The following JADE2 variants were observed in gnomAD, a reference collection of about 807,000 sequenced individuals.
The protein encoded by JADE2 is jade family PHD finger 2, also known as E3 ubiquitin-protein ligase Jade-2.
In JADE2, 13 loss-of-function variants were observed where a neutral mutation model predicts 85.7. That is an observed-to-expected ratio of 0.15 (90% CI 0.10 to 0.24). The LOEUF is 0.24. JADE2 is among the 10% of genes least tolerant of loss of function. The pLI, the probability that JADE2 is intolerant of heterozygous loss-of-function variation, is 1.00. For synonymous variants in JADE2, 440 were observed against 456.1 expected, an observed-to-expected ratio of 0.96 and a Z score of 0.45; for missense variants, 846 against 1,115.9, an observed-to-expected ratio of 0.76 and a Z score of 3.45.
Position 134,578,661 on chromosome 5 carries a change from G to A in JADE2, c.1849G>A (p.Glu617Lys), listed in dbSNP as rs866191677. ...GCTGTCAGAGGAACTGCTGCAGGAC[G>A]AGGAGACACTGCTCAGCTTCATGCG... ...GLLSEELLQD[E>K]ETLLSFMRDP... Residue 617 changes from glutamate to lysine, a missense_variant, in exon 12 of 12, where the codon GAG (glutamate) becomes AAG (lysine). Transcript: ENST00000681547. This position sits in a 1 kb window ranked among gnomAD's most constrained non-coding sequence, Gnocchi z 4.4. 2 of 1,614,090 alleles carry A rather than the reference G, an allele frequency of 1.2e-6. No individual in the cohort carries two copies. The highest frequency in any genetic ancestry group is 1.7e-6 in the Non-Finnish European group (2 of 1,180,038).
intron 3 of JADE2, among the ~76,000 whole-genome samples, chr5:134,549,251 C>T (rs1326234259): frequency 2.6e-5 from 4 of 152,042 alleles, no homozygotes; most frequent in African/African-American, 4.8e-5. Flanking sequence ...GGGCCGGGCG[C>T]GGTGGCTCAC....
At chr5:134,563,354 G>A (rs1169794767) in intron 7 of JADE2, among the ~76,000 whole-genome samples, 3 of 152,094 alleles carry the variant, frequency 2.0e-5, no homozygotes, top group Non-Finnish European at 4.4e-5. Context: ...AAGCCTAATG[G>A]GAAGTTGGCT....
At chr5:134,541,695 A>G (rs993432584) in intron 3 of JADE2, among the ~76,000 whole-genome samples, 1 of 146,828 alleles carries the variant, frequency 6.8e-6, no homozygotes, top group Non-Finnish European at 1.5e-5. Flanking sequence ...TCATCTCTAA[A>G]TGTGGGCAAT....
intron 9 of JADE2, 109 bp from the exon 10 acceptor site, chr5:134,573,536 G>T (rs915794711): frequency 6.4e-6 from 5 of 777,426 alleles, no homozygotes; most frequent in Admixed American, 3.9e-5. Context: ...AGGCTGTGGC[G>T]GTAGCCTGTG....
Position 134,566,219 on chromosome 5 carries a change from A to G in JADE2, c.1073A>G (p.Lys358Arg), listed in dbSNP as rs765080261. The stretch of plus-strand genomic sequence containing the variant: ...GCAGACAACGATGAGGTCAAGTTCA[A>G]GTCATTCTGCCAGGAGCACAGTGAC... ...ILADNDEVKFKSFCQEHSDGG... is the reference protein window; with the variant it reads ...ILADNDEVKFRSFCQEHSDGG... The change falls in exon 9 of 12, where the codon AAG becomes AGG. Residue 358 changes from lysine to arginine, a missense_variant. Around this residue, in one of 9 missense-constraint regions of JADE2, gnomAD observed 39 missense variants for 37.6 expected, o/e 1.04. Coordinates refer to ENST00000681547, the MANE Select transcript of JADE2 (RefSeq NM_001388185.1). This position sits in a 1 kb window ranked among gnomAD's most constrained non-coding sequence, Gnocchi z 6.7. 1.9e-6 allele frequency: 3 copies of G among 1,614,138 alleles called. No individual in the cohort carries two copies. The highest frequency in any genetic ancestry group is 1.1e-5 in the South Asian group (1 of 91,088).
intron 10 of JADE2, 146 bp downstream of exon 10, chr5:134,573,908 C>A (rs1466021203): frequency 1.4e-6 from 1 of 736,636 alleles, no homozygotes; most frequent in South Asian, 1.4e-5. Flanking sequence ...CCTTCACCAT[C>A]CAATTAGTAG....
chr5:134,538,034 G>A lies in JADE2; in HGVS notation c.104G>A (p.Ser35Asn). 1 of 1,614,188 alleles carries A rather than the reference G, an allele frequency of 6.2e-7. No homozygotes were observed. Among genetic ancestry groups the A allele is most frequent in the East Asian group, 2.2e-5 (1 of 44,880 alleles). Residue 35 changes from serine to asparagine, a missense_variant, in exon 3 of 12, where the codon AGC (serine) becomes AAC (asparagine). Around this residue, in one of 9 missense-constraint regions of JADE2, gnomAD observed 47 missense variants for 42.2 expected, o/e 1.11. Coordinates refer to ENST00000681547, the MANE Select transcript of JADE2 (RefSeq NM_001388185.1). Reference protein sequence around the residue: ...TSASRCSKLPSSTKSGWPRQN... With the variant: ...TSASRCSKLPNSTKSGWPRQN... ...GCATCAAGATGCTCCAAACTGCCCA[G>A]CAGCACCAAGTCGGGCTGGCCCCGA...
Position 134,525,677 on chromosome 5 carries a change from T to C in JADE2, c.-335T>C. ...CTTGGTTTAAAAAGAAACAGAAACATACACAGGGGGTTGGTGAATGGTGCC... is the reference window on the plus strand; with the variant it reads ...CTTGGTTTAAAAAGAAACAGAAACACACACAGGGGGTTGGTGAATGGTGCC... On this transcript the variant is annotated 5_prime_UTR_variant, in exon 1 of 12. Coordinates refer to ENST00000681547, the MANE Select transcript of JADE2 (RefSeq NM_001388185.1). 1 of 1,213,892 alleles carries C rather than the reference T, an allele frequency of 8.2e-7. No individual in the cohort carries two copies. The allele number at this position is 1,213,892 out of a possible 1,614,324, so 75.2% of individuals were successfully genotyped here.
At chr5:134,541,609 C>G (rs115507722) in intron 3 of JADE2, among the ~76,000 whole-genome samples, 28 of 152,274 alleles carry the variant, frequency 1.8e-4, no homozygotes, top group Admixed American at 5.2e-4. Context: ...GGAACACTTA[C>G]GGAGTGATGT....
intron 9 of JADE2, among the ~76,000 whole-genome samples, chr5:134,572,252 G>A (rs1390951585): frequency 1.3e-5 from 2 of 152,246 alleles, no homozygotes; most frequent in African/African-American, 4.8e-5. Flanking sequence ...AGGCTCAGAG[G>A]TGGGTGGCCT....
chr5:134,565,642 C>A (rs559027934), intron 8 of JADE2, among the ~76,000 whole-genome samples: 1 of 152,090 alleles, frequency 6.6e-6, no homozygotes, highest in Non-Finnish European at 1.5e-5. Context: ...GTCAGGAGTT[C>A]GAGACCAGCC....
chr5:134,539,354 C>G (rs1487628967), intron 3 of JADE2, among the ~76,000 whole-genome samples: 1 of 152,136 alleles, frequency 6.6e-6, no homozygotes, highest in African/African-American at 2.4e-5. Flanking sequence ...TGAGCCACCG[C>G]GCCCGGCCTA....
intron 3 of JADE2, 110 bp downstream of exon 3, chr5:134,538,193 C>A: frequency 1.2e-6 from 1 of 803,576 alleles, no homozygotes; most frequent in Non-Finnish European, 2.1e-6. Flanking sequence ...CAGAGGGAGG[C>A]CAGCGTGGCC....
At position 134,559,965 on chromosome 5, in the gene JADE2, C is replaced by T. The variant is rs762938739; in HGVS notation, c.447C>T (p.Leu149=). 1 of 1,613,982 alleles carries T rather than the reference C, an allele frequency of 6.2e-7. No homozygotes were observed. Among genetic ancestry groups the T allele is most frequent in the African/African-American group, 1.3e-5 (1 of 74,934 alleles). The part of the protein sequence containing the change: ...LDEIDAYWLE[L]INSELKEMER... Reference sequence around the variant, plus strand: ...AGATTGATGCCTACTGGCTGGAGCTCATCAACTCGGAGCTTAAGGAGATGG... The same window carrying T: ...AGATTGATGCCTACTGGCTGGAGCTTATCAACTCGGAGCTTAAGGAGATGG... Residue 149 remains leucine, a synonymous_variant, in exon 5 of 12, where the codon CTC becomes CTT. Transcript: ENST00000681547.
intron 2 of JADE2, among the ~76,000 whole-genome samples, chr5:134,536,949 C>T (rs1761628247): frequency 6.6e-6 from 1 of 152,176 alleles, no homozygotes; most frequent in African/African-American, 2.4e-5. Flanking sequence ...AGGTCTCAGC[C>T]CCATCCCTAC....
At chr5:134,540,951 C>T (rs1313256322) in intron 3 of JADE2, among the ~76,000 whole-genome samples, 5 of 152,202 alleles carry the variant, frequency 3.3e-5, no homozygotes, top group African/African-American at 4.8e-5. Context: ...AGAAAATTCC[C>T]CTGCCTCTTG....
chr5:134,544,764 C>G (rs1342846844), intron 3 of JADE2, among the ~76,000 whole-genome samples: 1 of 152,170 alleles, frequency 6.6e-6, no homozygotes, highest in Non-Finnish European at 1.5e-5. Context: ...GAGGGTGTCC[C>G]CCAGACCCAG....
chr5:134,526,180 G>C, intron 1 of JADE2, 169 bp downstream of exon 1: 1 of 985,574 alleles, frequency 1.0e-6, no homozygotes, highest in Non-Finnish European at 1.2e-6. Flanking sequence ...AGAGGGGGGG[G>C]ATGCACAGCA....
At chr5:134,555,311 G>T (rs1378870470) in intron 4 of JADE2, among the ~76,000 whole-genome samples, 1 of 152,194 alleles carries the variant, frequency 6.6e-6, no homozygotes, top group Non-Finnish European at 1.5e-5. Context: ...CCCACCTCTG[G>T]TGTGTGTCTG....
Sources: allele counts gnomAD v4.1 joint callset (sites outside exome capture counted in the v4.1 genomes callset), GRCh38; gene constraint gnomAD v4.1.1; regional missense constraint gnomAD v4.1.1; non-coding constraint Gnocchi (gnomAD v3.1); transcripts MANE v1.5; gene names NCBI Gene and HGNC (gene_info 2026-07-23, HGNC 2026-07-21).